The following ZNF783 variants were observed in gnomAD, a reference collection of about 807,000 sequenced individuals.
ZNF783 encodes the protein zinc finger protein 783.
In ZNF783, 25 loss-of-function variants were observed where a neutral mutation model predicts 31.3. The ratio of observed to expected loss-of-function variants is 0.80; its 90% confidence interval spans 0.58 to 1.11. The LOEUF (loss-of-function observed/expected upper bound fraction) is 1.11, where lower values mean the gene tolerates loss of function less well. ZNF783 is among the 50% of genes most tolerant of loss of function. ZNF783 has a pLI of 0.00. For missense variants in ZNF783, 797 were observed against 760.0 expected, an observed-to-expected ratio of 1.05 and a Z score of -0.57; for synonymous variants, 369 against 319.1, an observed-to-expected ratio of 1.16 and a Z score of -1.66.
intron 4 of ZNF783, among the ~76,000 whole-genome samples, chr7:149,272,826 A>G (rs1321118383): frequency 1.3e-5 from 2 of 152,156 alleles, no homozygotes; most frequent in East Asian, 3.8e-4. Flanking sequence ...ATCACATGCT[A>G]GATCTTATTC....
chr7:149,275,148 T>G (rs1053612830), intron 4 of ZNF783, among the ~76,000 whole-genome samples: 1 of 152,176 alleles, frequency 6.6e-6, no homozygotes, highest in East Asian at 1.9e-4. Flanking sequence ...TATTTTATTT[T>G]ATTTATAGCT....
chr7:149,281,522 A>G lies in ZNF783; in HGVS notation c.820A>G (p.Lys274Glu). 6.9e-7 allele frequency: 1 copy of G among 1,451,334 alleles called. No homozygotes were observed. The highest frequency in any genetic ancestry group is 1.5e-5 in the South Asian group (1 of 67,752). The allele number at this position is 1,451,334 out of a possible 1,614,324, so 89.9% of individuals were successfully genotyped here. Residue 274 changes from lysine (K) to glutamate (E), a missense_variant, in exon 6 of 6, where the codon AAG (lysine) becomes GAG (glutamate). Transcript: ENST00000434415. ...GPEAGGGVAI[K>E]TEAQSEDEMT... is the part of the protein sequence containing the mutation. Reference sequence around the variant, plus strand: ...TTTGCCAGGTGGTGGTGTGGCCATCAAGACAGAGGCACAGTCTGAAGACGA... The same window carrying G: ...TTTGCCAGGTGGTGGTGTGGCCATCGAGACAGAGGCACAGTCTGAAGACGA...
chr7:149,270,924 A>G (rs996376312), intron 4 of ZNF783, among the ~76,000 whole-genome samples: 1 of 152,202 alleles, frequency 6.6e-6, no homozygotes, highest in Admixed American at 6.5e-5. Flanking sequence ...TTATACATTG[A>G]TATTTCTAAT....
rs1158097721 is a variant in ZNF783 at position 149,281,809 on chromosome 7, G to A, written c.1107G>A (p.Arg369=). ...AGATCAATCTGACGATTCATCAGCG[G>A]ACCCATGTGGAGGAGGGGCGGCAGG... is the stretch of plus-strand genomic sequence containing the variant. The part of the protein sequence containing the change: ...RLKINLTIHQ[R]THVEEGRQEA... The change falls in exon 6 of 6, where the codon CGG becomes CGA. Residue 369 remains arginine (R), a synonymous_variant. Coordinates refer to ENST00000434415, the MANE Select transcript of ZNF783 (RefSeq NM_001195220.2). 6.6e-7 allele frequency: 1 copy of A among 1,515,962 alleles called. No individual in the cohort carries two copies. Among genetic ancestry groups the A allele is most frequent in the Admixed American group, 2.1e-5 (1 of 46,906 alleles). The allele number at this position is 1,515,962 out of a possible 1,614,324, so 93.9% of individuals were successfully genotyped here.
At chr7:149,273,629 G>A (rs778095837) in intron 4 of ZNF783, among the ~76,000 whole-genome samples, 1 of 151,670 alleles carries the variant, frequency 6.6e-6, no homozygotes, top group African/African-American at 2.4e-5. Flanking sequence ...CACTGCACCC[G>A]ATTTCCTGGG....
rs1410184137 is a variant in ZNF783 at position 149,282,284 on chromosome 7, G to T, written c.1582G>T (p.Ala528Ser). The T allele has an allele frequency of 1.3e-6, 2 of 1,557,604 alleles. No individual in the cohort carries two copies. Among genetic ancestry groups the T allele is most frequent in the Admixed American group, 1.9e-5 (1 of 53,850 alleles). Residue 528 changes from alanine (A) to serine (S), a missense_variant, in exon 6 of 6, where the codon GCC becomes TCC. By Grantham distance (99) the Ala-to-Ser change is moderately conservative. Transcript: ENST00000434415. Reference protein sequence around the residue: ...RGQVGPHFPAAPARHGSLPLP... With the variant: ...RGQVGPHFPASPARHGSLPLP... Reference sequence around the variant, plus strand: ...CCAGGTGGGCCCACACTTCCCTGCCGCCCCCGCCCGCCACGGGAGCCTGCC... The same window carrying T: ...CCAGGTGGGCCCACACTTCCCTGCCTCCCCCGCCCGCCACGGGAGCCTGCC...
chr7:149,267,018 C>T (rs1233772121), intron 3 of ZNF783, 73 bp downstream of exon 3: 4 of 1,612,008 alleles, frequency 2.5e-6, no homozygotes, highest in Non-Finnish European at 3.4e-6. Flanking sequence ...TTTGCTTTGG[C>T]TTTTGGTACT....
At chr7:149,262,428 C>A (rs913468491) in intron 1 of ZNF783, 71 bp downstream of exon 1, 2 of 1,171,554 alleles carry the variant, frequency 1.7e-6, no homozygotes, top group Non-Finnish European at 2.1e-6. Flanking sequence ...GCGAGGGACT[C>A]TGGCCGCGCG....
chr7:149,263,705 C>G (rs1271538488), intron 1 of ZNF783, among the ~76,000 whole-genome samples: 2 of 152,016 alleles, frequency 1.3e-5, no homozygotes, highest in Non-Finnish European at 1.5e-5. Flanking sequence ...AGATTATAAT[C>G]CTTTGGCCAT....
intron 4 of ZNF783, among the ~76,000 whole-genome samples, chr7:149,267,524 G>A (rs112542136): frequency 0.017 from 2,556 of 152,300 alleles, 27 homozygotes; most frequent in Middle Eastern, 0.037. Context: ...CTGGCCTGGC[G>A]CGGTGGCTCA....
At position 149,266,846 on chromosome 7, in the gene ZNF783, G is replaced by A. The variant is rs199966456; in HGVS notation, c.448G>A (p.Val150Met). The change falls in exon 3 of 6, where the codon GTG (valine) becomes ATG (methionine). Residue 150 changes from valine (V) to methionine (M), a missense_variant. Transcript: ENST00000434415. ...GCCCGTGACCTTCGATGATGTGGCC[G>A]TGTATTTCTCTGAGCTGGAGTGGGG... ...KVPVTFDDVA[V>M]YFSELEWGKL... is the part of the protein sequence containing the mutation. 668 of 1,613,946 alleles carry A rather than the reference G, an allele frequency of 4.1e-4. No individual in the cohort carries two copies. Among genetic ancestry groups the A allele is most frequent in the Middle Eastern group, 1.2e-3 (7 of 6,084 alleles).
chr7:149,262,293 C>T lies in ZNF783; in HGVS notation c.-41C>T, dbSNP rs994902634. On this transcript the variant is annotated 5_prime_UTR_variant, in exon 1 of 6. Coordinates refer to ENST00000434415, the MANE Select transcript of ZNF783 (RefSeq NM_001195220.2). ...CCGCGCCGCCCCGGGCCCGACAGGC[C>T]GGGTCCAGGGACTGCAACCCAGCGA... 6 of 1,347,826 alleles carry T rather than the reference C, an allele frequency of 4.5e-6. No individual in the cohort carries two copies. Among genetic ancestry groups the T allele is most frequent in the Admixed American group, 3.2e-5 (1 of 30,988 alleles). The allele number at this position is 1,347,826 out of a possible 1,614,324, so 83.5% of individuals were successfully genotyped here.
chr7:149,266,229 G>C, intron 1 of ZNF783, 106 bp from the exon 2 acceptor site: 1 of 1,346,572 alleles, frequency 7.4e-7, no homozygotes, highest in Non-Finnish European at 9.8e-7. Context: ...CAGGAGCCCA[G>C]ATGGGACTTT....
At chr7:149,262,425 A>G (rs1796947734) in intron 1 of ZNF783, 68 bp downstream of exon 1, 1 of 1,176,090 alleles carries the variant, frequency 8.5e-7, no homozygotes, top group African/African-American at 1.6e-5. Flanking sequence ...CGCGCGAGGG[A>G]CTCTGGCCGC....
At chr7:149,265,627 G>C (rs746356973) in intron 1 of ZNF783, among the ~76,000 whole-genome samples, 1 of 152,104 alleles carries the variant, frequency 6.6e-6, no homozygotes, top group Non-Finnish European at 1.5e-5. Context: ...TCCAAATACC[G>C]GCATATTGGG....
rs1797483428 is a variant in ZNF783, at chr7:149,281,981, GGGC to G, written c.1286_1288del (p.Arg429del). On this transcript the variant is annotated inframe_deletion, in exon 6 of 6. Transcript: ENST00000434415. ...CGTGGCAGGGGGCCGTGCCTTGGTG[GGGC>G]GGCGGCCTGCAGCCAGCAAGATGTA... 6.4e-7 allele frequency: 1 copy of G among 1,574,694 alleles called. No individual in the cohort carries two copies.
intron 4 of ZNF783, among the ~76,000 whole-genome samples, chr7:149,271,404 C>T (rs1797208338): frequency 6.6e-6 from 1 of 152,192 alleles, no homozygotes; most frequent in South Asian, 2.1e-4. Flanking sequence ...ATACTATTAA[C>T]AATTAGACTT....
rs1451723464 is a variant in ZNF783, at chr7:149,284,728, T to C, written c.*2385T>C. 1.3e-5 allele frequency: 2 copies of C among 152,268 alleles called. No individual in the cohort carries two copies. Among genetic ancestry groups the C allele is most frequent in the African/African-American group, 4.8e-5 (2 of 41,468 alleles). 9.4% of individuals were successfully genotyped at this position (152,268 alleles called of 1,614,324 possible). ...TGTGCTCAAACTTTGAGCTAGGTCT[T>C]GTGAGTTTGCCTAGCACTCAGACCT... On this transcript the variant is annotated 3_prime_UTR_variant, in exon 6 of 6. Coordinates refer to ENST00000434415, the MANE Select transcript of ZNF783 (RefSeq NM_001195220.2).
At chr7:149,267,018 C>A in intron 3 of ZNF783, 73 bp downstream of exon 3, 1 of 1,612,126 alleles carries the variant, frequency 6.2e-7, no homozygotes. Context: ...TTTGCTTTGG[C>A]TTTTGGTACT....
Sources: gnomAD v4.1 joint callset for allele counts (sites outside exome capture counted in the v4.1 genomes callset) on GRCh38, gnomAD v4.1.1 for gene constraint, MANE v1.5 for transcripts, NCBI Gene and HGNC (gene_info 2026-07-23, HGNC 2026-07-21) for gene names.